PGM1: variants seen among roughly 807,000 people sequenced by gnomAD.
PGM1 encodes phosphoglucomutase-1.
PGM1 carries 52 observed loss-of-function variants against 55.6 expected under a neutral mutation model. The ratio of observed to expected loss-of-function variants is 0.94; its 90% confidence interval spans 0.75 to 1.18. PGM1 has a LOEUF of 1.18. Ranked by LOEUF, PGM1 falls within the 50% of genes most tolerant of loss-of-function variation. PGM1 has a pLI of 0.00. For missense variants in PGM1, 724 were observed against 729.3 expected, an observed-to-expected ratio of 0.99 and a Z score of 0.08; for synonymous variants, 287 against 271.7, an observed-to-expected ratio of 1.06 and a Z score of -0.55.
Position 63,631,703 on chromosome 1 carries a change from C to G in PGM1, c.603C>G (p.Ser201Arg), listed in dbSNP as rs1182094041. ...SVEAYATMLR[S>R]IFDFSALKEL... Reference sequence around the variant, plus strand: ...AAGCTTATGCTACAATGCTGAGAAGCATCTTTGATTTCAGTGCACTGAAAG... The same window carrying G: ...AAGCTTATGCTACAATGCTGAGAAGGATCTTTGATTTCAGTGCACTGAAAG... Residue 201 changes from serine to arginine, a missense_variant, in exon 4 of 11, where the codon AGC becomes AGG. Physicochemically the swap from Ser to Arg is moderately radical, Grantham distance 110. This residue lies in a region of PGM1 where 379 missense variants were observed against 357.5 expected (regional missense o/e 1.06). Coordinates refer to ENST00000371084, the MANE Select transcript of PGM1 (RefSeq NM_002633.3). The G allele has an allele frequency of 1.9e-6, 3 of 1,612,698 alleles. No homozygotes were observed. Among genetic ancestry groups the G allele is most frequent in the Admixed American group, 3.3e-5 (2 of 60,008 alleles).
chr1:63,620,041 G>C (rs1648842453), intron 1 of PGM1, among the ~76,000 whole-genome samples: 1 of 152,146 alleles, frequency 6.6e-6, no homozygotes, highest in South Asian at 2.1e-4. Flanking sequence ...CCTTATACCA[G>C]GCACAGTACT....
chr1:63,633,886 G>C (rs981395172), intron 4 of PGM1, among the ~76,000 whole-genome samples: 10,936 of 55,336 alleles, frequency 0.2, 1,528 homozygotes, highest in South Asian at 0.22. Flanking sequence ...GTGTGTGTGT[G>C]TGTGTGTGTG....
In PGM1 at chr1:63,622,119, G is replaced by A. The variant is rs549927237; in HGVS notation, c.247-7306G>A. Among the ~76,000 whole-genome samples, 203 of 152,234 alleles carry A rather than the reference G, an allele frequency of 1.3e-3. 1 individual carries two copies. Among genetic ancestry groups the A allele is most frequent in the African/African-American group, 4.8e-3 (201 of 41,548 alleles). ...AGCTCACTGCAATCTCAGCCTCCCA[G>A]GTTCAAGCAATTCTCCTGCCTCAGC... On this transcript the variant is annotated intron_variant, in intron 1 of 10. Transcript: ENST00000371084.
chr1:63,649,851 A>G (rs964009949), intron 8 of PGM1, among the ~76,000 whole-genome samples: 15 of 152,204 alleles, frequency 9.9e-5, no homozygotes, highest in Non-Finnish European at 1.8e-4. Context: ...GCAGTCATGA[A>G]CTGTCTAGAA....
chr1:63,610,958 G>C (rs1040415584), intron 1 of PGM1, among the ~76,000 whole-genome samples: 2 of 152,146 alleles, frequency 1.3e-5, no homozygotes, highest in African/African-American at 4.8e-5. Flanking sequence ...ATGGTTTTAG[G>C]ATAGTGGTTC....
At chr1:63,616,602 C>T (rs1159990518) in intron 1 of PGM1, among the ~76,000 whole-genome samples, 1 of 152,192 alleles carries the variant, frequency 6.6e-6, no homozygotes, top group African/African-American at 2.4e-5. Flanking sequence ...GAAATGAATA[C>T]AACACATCGG....
At chr1:63,617,022 A>G (rs976599430) in intron 1 of PGM1, among the ~76,000 whole-genome samples, 1 of 152,140 alleles carries the variant, frequency 6.6e-6, no homozygotes, top group East Asian at 1.9e-4. Context: ...TACATTTGTA[A>G]ACTCCTGTCT....
At chr1:63,633,283 A>G (rs1649246450) in intron 4 of PGM1, among the ~76,000 whole-genome samples, 1 of 152,162 alleles carries the variant, frequency 6.6e-6, no homozygotes. Flanking sequence ...CACATTAGGG[A>G]AACGAGAGGC....
Position 63,631,816 on chromosome 1 carries a change from T to C in PGM1, c.682+34T>C, listed in dbSNP as rs1027072348. On this transcript the variant is annotated intron_variant, in intron 4 of 10. Coordinates refer to ENST00000371084, the MANE Select transcript of PGM1 (RefSeq NM_002633.3). ...TCATTTCTTTTCAATTCCCATCTCT[T>C]GAGGATAGGAAGTTGCCCTCTTCTG... 3 of 1,604,644 alleles carry C rather than the reference T, an allele frequency of 1.9e-6. No individual in the cohort carries two copies. The African/African-American group carries it at 4.0e-5, about 21-fold the overall frequency.
At chr1:63,649,062 G>A (rs1196429940) in intron 8 of PGM1, among the ~76,000 whole-genome samples, 1 of 152,202 alleles carries the variant, frequency 6.6e-6, no homozygotes, top group Non-Finnish European at 1.5e-5. Flanking sequence ...TCCAGCTGTT[G>A]AGAGGATTAA....
At chr1:63,646,803 T>A (rs1019181149) in intron 7 of PGM1, among the ~76,000 whole-genome samples, 2 of 152,216 alleles carry the variant, frequency 1.3e-5, no homozygotes, top group African/African-American at 4.8e-5. Context: ...TTTATTATAC[T>A]AATTGGTTGG....
chr1:63,647,227 A>C (rs1649668722), intron 7 of PGM1, among the ~76,000 whole-genome samples: 1 of 142,188 alleles, frequency 7.0e-6, no homozygotes, highest in Non-Finnish European at 1.5e-5. Flanking sequence ...TGGGCGAAAG[A>C]GCGAAACTCC....
At chr1:63,654,605 T>G in intron 10 of PGM1, 139 bp downstream of exon 10, 6 of 778,720 alleles carry the variant, frequency 7.7e-6, no homozygotes, top group Non-Finnish European at 1.3e-5. Context: ...CATGTTTCTT[T>G]CTCCATGTCA....
chr1:63,615,550 CTTTTTTTTTT>C (rs1161161385), intron 1 of PGM1, among the ~76,000 whole-genome samples: 919 of 62,964 alleles, frequency 0.015, 8 homozygotes, highest in African/African-American at 0.058. Context: ...TCTTCTTCTT[CTTTTTTTTTT>C]TTTTTTTTTT....
intron 3 of PGM1, among the ~76,000 whole-genome samples, chr1:63,630,899 A>G (rs909621941): frequency 6.6e-6 from 1 of 152,146 alleles, no homozygotes; most frequent in African/African-American, 2.4e-5. Flanking sequence ...TTTTGTTTGA[A>G]CCTACTCAGG....
chr1:63,659,204 A>T (rs1182967007), intron 10 of PGM1, among the ~76,000 whole-genome samples: 1 of 152,226 alleles, frequency 6.6e-6, no homozygotes, highest in Non-Finnish European at 1.5e-5. Context: ...GGAGGCACTC[A>T]CTGCTCCAGG....
chr1:63,593,925 A>G, intron 1 of PGM1, 191 bp downstream of exon 1: 2 of 1,234,406 alleles, frequency 1.6e-6, no homozygotes, highest in African/African-American at 1.6e-5. Flanking sequence ...GGGCTGGGGA[A>G]AGTGGCCACG....
At chr1:63,607,795 A>G (rs184394440) in intron 1 of PGM1, among the ~76,000 whole-genome samples, 3 of 152,254 alleles carry the variant, frequency 2.0e-5, no homozygotes, top group Admixed American at 1.3e-4. Flanking sequence ...AAACTCCTCT[A>G]TGGGAATTAT....
intron 7 of PGM1, among the ~76,000 whole-genome samples, chr1:63,646,912 T>C (rs1169964680): frequency 1.3e-5 from 2 of 152,150 alleles, no homozygotes; most frequent in Non-Finnish European, 2.9e-5. Flanking sequence ...CATAAGAATT[T>C]TTTCTATATT....
Sources: allele counts gnomAD v4.1 joint callset (sites outside exome capture counted in the v4.1 genomes callset), GRCh38; gene constraint gnomAD v4.1.1; regional missense constraint gnomAD v4.1.1; transcripts MANE v1.5; gene names NCBI Gene and HGNC (gene_info 2026-07-23, HGNC 2026-07-21).